PARD3B: variants seen among roughly 807,000 people sequenced by gnomAD.
PARD3B encodes the protein par-3 family cell polarity regulator beta.
Under a neutral mutation model 130.2 loss-of-function variants are expected in PARD3B, and 103 were observed. The ratio of observed to expected loss-of-function variants is 0.79; its 90% CI spans 0.67 to 0.93. The LOEUF is 0.93. PARD3B is among the 40% of genes least tolerant of loss of function. The probability of loss-of-function intolerance (pLI) is 0.00; values close to 1 mark genes in which losing one functional copy is unlikely to be tolerated. For missense variants in PARD3B, 1,609 were observed against 1,499.2 expected (o/e 1.07, Z -1.21); for synonymous variants, 583 against 553.2 (o/e 1.05, Z -0.76).
intron 14 of PARD3B, among the ~76,000 whole-genome samples, chr2:205,190,630 G>A (rs73982810): frequency 0.2 from 30,526 of 151,886 alleles, 4,202 homozygotes; most frequent in African/African-American, 0.4. Context: ...GTGTGACCTG[G>A]CAATGCCAAC....
chr2:205,358,110 T>G (rs2044261419), intron 18 of PARD3B, among the ~76,000 whole-genome samples: 1 of 152,228 alleles, frequency 6.6e-6, no homozygotes, highest in East Asian at 1.9e-4. Flanking sequence ...TTCTTAATTT[T>G]TGTCTCCTGA....
At chr2:205,110,634 G>GTT (rs67202996) in intron 5 of PARD3B, among the ~76,000 whole-genome samples, 107 of 104,658 alleles carry the variant, frequency 1.0e-3, no homozygotes, top group South Asian at 3.2e-3. Flanking sequence ...TCTGTTTTTT[G>GTT]TTTTTTGTTT....
chr2:205,570,795 G>GA (rs1233616968), intron 22 of PARD3B, among the ~76,000 whole-genome samples: 3 of 152,248 alleles, frequency 2.0e-5, no homozygotes, highest in Admixed American at 1.3e-4. Context: ...CCCAGCTTTG[G>GA]AAAAATAACA....
At chr2:205,474,407 C>A (rs778433261) in intron 20 of PARD3B, among the ~76,000 whole-genome samples, 31 of 152,150 alleles carry the variant, frequency 2.0e-4, no homozygotes, top group Non-Finnish European at 4.3e-4. Flanking sequence ...AGTGCTCACA[C>A]ACACATATAG....
intron 2 of PARD3B, among the ~76,000 whole-genome samples, chr2:204,858,499 T>TTA (rs1266530887): frequency 8.5e-6 from 1 of 117,136 alleles, no homozygotes; most frequent in African/African-American, 3.1e-5. Context: ...ATGTGGAATC[T>TTA]AAAAAAAAAA....
chr2:205,612,114 T>TC (rs2055252373), intron 22 of PARD3B, among the ~76,000 whole-genome samples: 1 of 152,188 alleles, frequency 6.6e-6, no homozygotes, highest in Non-Finnish European at 1.5e-5. Context: ...CTTTTCTTCC[T>TC]CTAAGTTCTG....
intron 14 of PARD3B, 84 bp from the exon 15 acceptor site, chr2:205,193,121 C>A: frequency 1.1e-6 from 1 of 875,834 alleles, no homozygotes; most frequent in Non-Finnish European, 1.9e-6. Flanking sequence ...TGATGAGTGG[C>A]TGTGTTCAAA....
intron 4 of PARD3B, chr2:205,103,749 T>C (rs1702997117): frequency 2.0e-6 from 2 of 985,094 alleles, no homozygotes; most frequent in East Asian, 1.1e-4. Flanking sequence ...CTAGAATCCA[T>C]CCTCTCCTCT....
intron 19 of PARD3B, among the ~76,000 whole-genome samples, chr2:205,438,710 T>A (rs2047605738): frequency 6.6e-6 from 1 of 152,178 alleles, no homozygotes; most frequent in African/African-American, 2.4e-5. Context: ...GCAAGGCCCT[T>A]AACGGGTACC....
chr2:205,466,291 T>C (rs1388200983), intron 20 of PARD3B, among the ~76,000 whole-genome samples: 1 of 152,236 alleles, frequency 6.6e-6, no homozygotes, highest in Admixed American at 6.5e-5. Context: ...CATTTCCTCA[T>C]ATCGGTGAGA....
At chr2:205,164,483 C>T (rs1410552296) in intron 11 of PARD3B, among the ~76,000 whole-genome samples, 1 of 151,888 alleles carries the variant, frequency 6.6e-6, no homozygotes, top group Non-Finnish European at 1.5e-5. Context: ...TAAAAAATCC[C>T]ATAATTCCAG....
rs527898366 is a variant in PARD3B, at chr2:205,461,663, T to G, written c.3044+20991T>G. On this transcript the variant is annotated intron_variant, in intron 20 of 22. Transcript: ENST00000406610. The surrounding 1 kb of genome is among the most constrained non-coding windows in gnomAD (Gnocchi z 4.3). The stretch of plus-strand genomic sequence containing the variant: ...GGTCCTAGATAATTGTTCTCAAATT[T>G]GAGCACGCATCAGAATCACCTGGAG... 1.3e-5 allele frequency among the ~76,000 whole-genome samples: 2 copies of G among 152,204 alleles called. No homozygotes were observed. The highest frequency in any genetic ancestry group is 2.9e-5 in the Non-Finnish European group (2 of 68,042).
At chr2:205,465,370 G>T (rs993142979) in intron 20 of PARD3B, among the ~76,000 whole-genome samples, 1 of 152,138 alleles carries the variant, frequency 6.6e-6, no homozygotes, top group East Asian at 1.9e-4. Flanking sequence ...GAACTGGCGC[G>T]ATATTATCAG....
At chr2:205,368,210 A>G (rs13017922) in intron 18 of PARD3B, among the ~76,000 whole-genome samples, 85,532 of 152,112 alleles carry the variant, frequency 0.56, 27,605 homozygotes, top group South Asian at 0.75. Flanking sequence ...TAAGAAAATA[A>G]AGGATATACC....
At chr2:205,529,284 T>A (rs1373326343) in intron 21 of PARD3B, among the ~76,000 whole-genome samples, 2 of 152,226 alleles carry the variant, frequency 1.3e-5, no homozygotes, top group African/African-American at 4.8e-5. Context: ...TAAACTTTCA[T>A]AATGAACTGC....
intron 2 of PARD3B, among the ~76,000 whole-genome samples, chr2:204,764,586 T>C (rs930408965): frequency 1.3e-5 from 2 of 152,074 alleles, no homozygotes; most frequent in Non-Finnish European, 2.9e-5. Context: ...TTTACTAAGA[T>C]TGAAAGAAAA....
At chr2:204,877,369 A>C (rs941659438) in intron 2 of PARD3B, among the ~76,000 whole-genome samples, 1 of 152,184 alleles carries the variant, frequency 6.6e-6, no homozygotes, top group African/African-American at 2.4e-5. Context: ...CACGTTGTGC[A>C]CATATACCCT....
At chr2:205,112,000 T>G (rs1298201789) in intron 5 of PARD3B, among the ~76,000 whole-genome samples, 3 of 152,132 alleles carry the variant, frequency 2.0e-5, no homozygotes, top group African/African-American at 4.8e-5. Flanking sequence ...GCATTTTATA[T>G]TCAGACCTTA....
Position 205,053,909 on chromosome 2 carries a change from C to T in PARD3B, c.504+6219C>T, listed in dbSNP as rs944926060. On this transcript the variant is annotated intron_variant, in intron 4 of 22. Transcript: ENST00000406610. ...CTATAAAAGGTTTTTATTTTTTTTC[C>T]CCACCCTGACACAGTGATTTAATAA... is the stretch of plus-strand genomic sequence containing the variant. 2.0e-5 allele frequency among the ~76,000 whole-genome samples: 3 copies of T among 151,452 alleles called. No individual in the cohort carries two copies. In the East Asian group the frequency reaches 5.8e-4, roughly 29 times the overall value.
Sources: gnomAD v4.1 joint callset for allele counts (sites outside exome capture counted in the v4.1 genomes callset) on GRCh38, gnomAD v4.1.1 for gene constraint, Gnocchi (gnomAD v3.1) non-coding constraint, MANE v1.5 for transcripts, NCBI Gene and HGNC (gene_info 2026-07-23, HGNC 2026-07-21) for gene names.